Variants in TRMT11 observed in about 807,000 individuals in gnomAD.
The protein encoded by TRMT11 is tRNA methyltransferase 11, also known as tRNA (guanine(10)-N(2))-methyltransferase TRMT11.
Under a neutral mutation model 62.8 loss-of-function variants are expected in TRMT11, and 53 were observed. The observed-to-expected ratio is 0.84, with a 90% confidence interval of 0.68 to 1.06. The LOEUF is 1.06. Ranked by LOEUF, TRMT11 falls within the 50% of genes least tolerant of loss-of-function variation. The pLI, the probability that TRMT11 is intolerant of heterozygous loss-of-function variation, is 0.00. For synonymous variants in TRMT11, 188 were observed against 190.3 expected (o/e 0.99, Z 0.10); for missense variants, 556 against 553.4 (o/e 1.00, Z -0.05).
At chr6:126,246,205 G>A in the TRMT11 span, among the ~76,000 whole-genome samples, 3 of 152,120 alleles carry the variant, frequency 2.0e-5, no homozygotes, top group African/African-American at 7.2e-5. Context: ...GATGGAGTGA[G>A]ATCTTGCTCC....
chr6:126,246,750 G>A, the TRMT11 span, among the ~76,000 whole-genome samples: 2 of 152,096 alleles, frequency 1.3e-5, no homozygotes, highest in African/African-American at 4.8e-5. Context: ...GGTTCAAGGT[G>A]ACAGATTGAA....
chr6:126,092,012 GA>G (rs542673384), intron 17 of TRMT11, among the ~76,000 whole-genome samples: 249 of 152,246 alleles, frequency 1.6e-3, no homozygotes, highest in African/African-American at 5.8e-3. Flanking sequence ...CGAGTCCTAA[GA>G]AACATTTAAG....
chr6:125,997,253 C>T (rs1442465631), intron 3 of TRMT11, among the ~76,000 whole-genome samples: 2 of 152,116 alleles, frequency 1.3e-5, no homozygotes, highest in Non-Finnish European at 2.9e-5. Context: ...AGGAAGAAAT[C>T]ATTTGCAAAG....
intron 17 of TRMT11, among the ~76,000 whole-genome samples, chr6:126,065,032 A>G (rs1776646878): frequency 6.6e-6 from 1 of 152,190 alleles, no homozygotes; most frequent in African/African-American, 2.4e-5. Flanking sequence ...TGAGTCTAGG[A>G]GCATTTCCAT....
Position 125,998,049 on chromosome 6 carries a change from C to A in TRMT11, c.213-4C>A, listed in dbSNP as rs1397940791. 6.2e-7 allele frequency: 1 copy of A among 1,603,280 alleles called. No homozygotes were observed. Among genetic ancestry groups the A allele is most frequent in the South Asian group, 1.1e-5 (1 of 90,852 alleles). ...GAGGTTAGTACCAATCATTTATTTC[C>A]TAGGTCTATATTTGAACTATGGGGT... is the stretch of plus-strand genomic sequence containing the variant. On this transcript the variant is annotated splice_region_variant and splice_polypyrimidine_tract_variant and intron_variant, in intron 3 of 12. Coordinates refer to ENST00000334379, the MANE Select transcript of TRMT11 (RefSeq NM_001031712.3).
the TRMT11 span, chr6:126,258,010 C>A: frequency 6.6e-7 from 1 of 1,521,876 alleles, no homozygotes; most frequent in Non-Finnish European, 9.1e-7. Context: ...TTGTAACAGT[C>A]AACCAGCAGC....
chr6:126,155,199 A>G (rs928987312), intron 21 of TRMT11, among the ~76,000 whole-genome samples: 5 of 152,194 alleles, frequency 3.3e-5, no homozygotes, highest in Non-Finnish European at 5.9e-5. Flanking sequence ...AAGGGGGAGC[A>G]GGCATTTTAT....
intron 16 of TRMT11, among the ~76,000 whole-genome samples, chr6:126,049,548 A>G (rs1179330517): frequency 6.6e-6 from 1 of 152,098 alleles, no homozygotes; most frequent in East Asian, 1.9e-4. Flanking sequence ...TACATGTTCT[A>G]AGGCTTGTCT....
intron 17 of TRMT11, among the ~76,000 whole-genome samples, chr6:126,055,700 C>T (rs1000761176): frequency 3.9e-5 from 6 of 152,042 alleles, no homozygotes; most frequent in African/African-American, 7.3e-5. Flanking sequence ...TTAGTATATA[C>T]GATTTCTTTG....
the TRMT11 span, among the ~76,000 whole-genome samples, chr6:126,217,506 C>T: frequency 2.2e-4 from 33 of 152,286 alleles, no homozygotes; most frequent in Middle Eastern, 6.8e-3. Flanking sequence ...TAGATACCAC[C>T]GGGATGGTCT....
At chr6:126,148,265 C>A (rs1053418214) in intron 21 of TRMT11, among the ~76,000 whole-genome samples, 2 of 152,194 alleles carry the variant, frequency 1.3e-5, no homozygotes, top group African/African-American at 4.8e-5. Context: ...GGACACATGG[C>A]TTCCTTCAAG....
chr6:126,177,055 G>A (rs966703267), upstream of TRMT11: 2 of 151,834 alleles, frequency 1.3e-5, no homozygotes, highest in Non-Finnish European at 2.9e-5. Context: ...AAAGTTAGCT[G>A]AGATGAAGAG....
the TRMT11 span, among the ~76,000 whole-genome samples, chr6:126,261,246 T>C: frequency 6.6e-6 from 1 of 152,216 alleles, no homozygotes; most frequent in Non-Finnish European, 1.5e-5. Context: ...TAACTGATTT[T>C]TTTCAGCTCT....
chr6:126,008,380 G>A lies in TRMT11; in HGVS notation c.680-12G>A, dbSNP rs770347006. 54 of 1,612,320 alleles carry A rather than the reference G, an allele frequency of 3.3e-5. 1 individual carries two copies. The South Asian group carries it at 5.8e-4, about 17-fold the overall frequency. Reference sequence around the variant, plus strand: ...TTACTGGTTAACAGGTCAAAATTGTGTGATTTTTCAGGTGGCCTGCTGATA... The same window carrying A: ...TTACTGGTTAACAGGTCAAAATTGTATGATTTTTCAGGTGGCCTGCTGATA... On this transcript the variant is annotated splice_polypyrimidine_tract_variant and intron_variant, in intron 7 of 12. Coordinates refer to ENST00000334379, the MANE Select transcript of TRMT11 (RefSeq NM_001031712.3).
At chr6:126,034,328 A>G (rs1774772922) in intron 12 of TRMT11, among the ~76,000 whole-genome samples, 1 of 152,200 alleles carries the variant, frequency 6.6e-6, no homozygotes, top group East Asian at 1.9e-4. Context: ...ATGTAATAAC[A>G]CATAGTTTGG....
intron 12 of TRMT11, among the ~76,000 whole-genome samples, chr6:126,029,728 GTAAC>G (rs962896962): frequency 2.5e-4 from 38 of 152,122 alleles, no homozygotes; most frequent in African/African-American, 8.0e-4. Context: ...ATTAGATACA[GTAAC>G]TAACAAGTCA....
the TRMT11 span, among the ~76,000 whole-genome samples, chr6:126,271,703 T>G: frequency 1.3e-5 from 2 of 152,160 alleles, no homozygotes; most frequent in African/African-American, 2.4e-5. Context: ...GACACTGTCA[T>G]GAAGTGTCAA....
chr6:126,006,031 G>T (rs1793291334), intron 7 of TRMT11, among the ~76,000 whole-genome samples: 1 of 151,996 alleles, frequency 6.6e-6, no homozygotes, highest in Non-Finnish European at 1.5e-5. Flanking sequence ...GACTGTCCTG[G>T]TTCTGGGAAG....
the TRMT11 span, among the ~76,000 whole-genome samples, chr6:126,225,206 A>C: frequency 2.6e-5 from 4 of 152,312 alleles, no homozygotes; most frequent in South Asian, 6.2e-4. Flanking sequence ...TGGGCTGGAC[A>C]CAAGCTGTAG....
Sources: allele counts gnomAD v4.1 joint callset (sites outside exome capture counted in the v4.1 genomes callset), GRCh38; gene constraint gnomAD v4.1.1; transcripts MANE v1.5; gene names NCBI Gene and HGNC (gene_info 2026-07-23, HGNC 2026-07-21).